The following LRRC15 variants were observed in gnomAD, a reference collection of about 807,000 sequenced individuals.
LRRC15 encodes the protein leucine rich repeat containing 15.
Under a neutral mutation model 4.3 loss-of-function variants are expected in LRRC15, and 5 were observed. That is an observed-to-expected ratio of 1.16 (90% confidence interval 0.61 to 2.44). The LOEUF (loss-of-function observed/expected upper bound fraction) is 2.44, where lower values mean the gene tolerates loss of function less well. LRRC15 is among the 30% of genes most tolerant of loss of function. The pLI is 0.01. For missense variants in LRRC15, 769 were observed against 747.0 expected, an observed-to-expected ratio of 1.03 and a Z score of -0.34; for synonymous variants, 337 against 323.2, an observed-to-expected ratio of 1.04 and a Z score of -0.46.
chr3:194,360,865 A>G lies in LRRC15; in HGVS notation c.179T>C (p.Ile60Thr). Residue 60 changes from isoleucine (I) to threonine (T), a missense_variant, in exon 2 of 2, where the codon ATC (isoleucine) becomes ACC (threonine). By Grantham distance (89) the Ile-to-Thr change is moderately conservative. Coordinates refer to ENST00000347624, the MANE Select transcript of LRRC15 (RefSeq NM_130830.5). ...PLPWNAMSLQ[I>T]LNTHITELNE... ...GAGTTCAGTGATGTGCGTGTTGAGG[A>G]TCTGCAGGCTCATGGCGTTCCAGGG... The G allele has an allele frequency of 6.2e-7, 1 of 1,610,064 alleles. No individual in the cohort carries two copies. The highest frequency in any genetic ancestry group is 8.5e-7 in the Non-Finnish European group (1 of 1,177,196).
chr3:194,362,138 ATGTG>A (rs912037784), intron 1 of LRRC15, among the ~76,000 whole-genome samples: 2,452 of 123,064 alleles, frequency 0.02, 23 homozygotes, highest in Non-Finnish European at 0.03. Context: ...GTGTGTGTGT[ATGTG>A]TGTGTGTGTG....
intron 1 of LRRC15, among the ~76,000 whole-genome samples, chr3:194,365,059 T>C (rs1343387964): frequency 6.6e-6 from 1 of 152,226 alleles, no homozygotes; most frequent in African/African-American, 2.4e-5. Context: ...CTCTGACAGA[T>C]GGCAGTTAAA....
Position 194,359,459 on chromosome 3 carries a change from C to G in LRRC15, c.1585G>C (p.Val529Leu). ...TTIQVTDDRS[V>L]WGMTQAQSGL... The stretch of plus-strand genomic sequence containing the variant: ...CTCTGGGCCTGGGTCATGCCCCAAA[C>G]GCTGCGGTCATCAGTGACCTGAATG... The change falls in exon 2 of 2, where the codon GTT becomes CTT. Residue 529 changes from valine to leucine, a missense_variant. By Grantham distance (32) the Val-to-Leu change is conservative (BLOSUM62 1). Coordinates refer to ENST00000347624, the MANE Select transcript of LRRC15 (RefSeq NM_130830.5). The G allele has an allele frequency of 6.2e-7, 1 of 1,614,232 alleles. No individual in the cohort carries two copies. Among genetic ancestry groups the G allele is most frequent in the Non-Finnish European group, 8.5e-7 (1 of 1,180,036 alleles).
chr3:194,358,394 T>C lies in LRRC15; in HGVS notation c.*904A>G, dbSNP rs1461831291. 6.6e-6 allele frequency: 1 copy of C among 152,178 alleles called. No homozygotes were observed. Among genetic ancestry groups the C allele is most frequent in the Non-Finnish European group, 1.5e-5 (1 of 68,044 alleles). 9.4% of individuals were successfully genotyped at this position (152,178 alleles called of 1,614,324 possible). ...TTCAATTAAAAATTTTAAAACAAAC[T>C]CTAGGGGTGAACACAGGGACCCCCA... On this transcript the variant is annotated 3_prime_UTR_variant, in exon 2 of 2. Transcript: ENST00000347624.
Position 194,360,983 on chromosome 3 carries a change from C to A in LRRC15, c.61G>T (p.Ala21Ser), listed in dbSNP as rs750463309. ...VGCQAWGAGL[A>S]YHGCPSECTC... ...CACTCGCTAGGGCAGCCATGGTAGG[C>A]CAACCCTGCACCCCAGGCTTGGCAG... Residue 21 changes from alanine (A) to serine (S), a missense_variant, in exon 2 of 2, where the codon GCC (alanine) becomes TCC (serine). Physicochemically the swap from Ala to Ser is moderately conservative, Grantham distance 99 (BLOSUM62 1). Transcript: ENST00000347624. 7.7e-6 allele frequency: 12 copies of A among 1,553,416 alleles called. No homozygotes were observed. In the South Asian group the frequency reaches 1.5e-4, roughly 19 times the overall value.
At chr3:194,361,770 T>C (rs564127946) in intron 1 of LRRC15, among the ~76,000 whole-genome samples, 1 of 152,206 alleles carries the variant, frequency 6.6e-6, no homozygotes, top group African/African-American at 2.4e-5. Flanking sequence ...GGGCCTGCCC[T>C]GCCCAGCCCA....
rs189462312 is a variant in LRRC15, at chr3:194,356,951, T to A, written c.*2347A>T. ...CCACCATCAGCGGGTGATGCTCATG[T>A]GCCATGCTCTGGGCTCACTTCCTGT... On this transcript the variant is annotated 3_prime_UTR_variant, in exon 2 of 2. Transcript: ENST00000347624. 90 of 152,462 alleles carry A rather than the reference T, an allele frequency of 5.9e-4. No homozygotes were observed. The highest frequency in any genetic ancestry group is 2.0e-3 in the African/African-American group (85 of 41,598). 9.4% of individuals were successfully genotyped at this position (152,462 alleles called of 1,614,324 possible).
In LRRC15 at chr3:194,357,620, T is replaced by A. The variant is rs2108655976; in HGVS notation, c.*1678A>T. The A allele has an allele frequency of 6.6e-6, 1 of 152,334 alleles. No individual in the cohort carries two copies. Among genetic ancestry groups the A allele is most frequent in the South Asian group, 2.1e-4 (1 of 4,826 alleles). 9.4% of individuals were successfully genotyped at this position (152,334 alleles called of 1,614,324 possible). Reference sequence around the variant, plus strand: ...TGTGACTCGAGGAGGAGAATAACCCTGGAGCAAACAACTCAACTCCTAACC... The same window carrying A: ...TGTGACTCGAGGAGGAGAATAACCCAGGAGCAAACAACTCAACTCCTAACC... On this transcript the variant is annotated 3_prime_UTR_variant, in exon 2 of 2. Transcript: ENST00000347624.
At position 194,361,265 on chromosome 3, in the gene LRRC15, T is replaced by C. The variant is rs1250777715; in HGVS notation, c.-3-219A>G. Reference sequence around the variant, plus strand: ...CCCAGGCAATTCTCCCTACCTGGAATGTCCCTTGTCCTTATACAAAATTTT... The same window carrying C: ...CCCAGGCAATTCTCCCTACCTGGAACGTCCCTTGTCCTTATACAAAATTTT... On this transcript the variant is annotated intron_variant, in intron 1 of 1. Coordinates refer to ENST00000347624, the MANE Select transcript of LRRC15 (RefSeq NM_130830.5). Among the ~76,000 whole-genome samples the C allele has an allele frequency of 3.3e-5, 5 of 152,276 alleles. No individual in the cohort carries two copies. The South Asian group carries it at 8.3e-4, about 25-fold the overall frequency.
chr3:194,367,997 G>A (rs907863235), intron 1 of LRRC15, among the ~76,000 whole-genome samples: 1 of 152,188 alleles, frequency 6.6e-6, no homozygotes, highest in Non-Finnish European at 1.5e-5. Flanking sequence ...AGCAGAACAG[G>A]AGAACTGCCC....
intron 1 of LRRC15, among the ~76,000 whole-genome samples, chr3:194,361,332 A>G (rs1560046242): frequency 6.6e-6 from 1 of 152,166 alleles, no homozygotes; most frequent in Non-Finnish European, 1.5e-5. Context: ...AACCTTTAGG[A>G]CACTTCCCAG....
At position 194,364,983 on chromosome 3, in the gene LRRC15, C is replaced by T. The variant is rs1577001331; in HGVS notation, c.-3-3937G>A. Among the ~76,000 whole-genome samples the T allele has an allele frequency of 5.3e-5, 8 of 152,334 alleles. No homozygotes were observed. In the East Asian group the frequency reaches 1.5e-3, roughly 29 times the overall value. On this transcript the variant is annotated intron_variant, in intron 1 of 1. Coordinates refer to ENST00000347624, the MANE Select transcript of LRRC15 (RefSeq NM_130830.5). Reference sequence around the variant, plus strand: ...CATGTGATGCCAGCTCCTGCAGTGGCCACAGCCTCTAGGAGCCCAGCACCT... The same window carrying T: ...CATGTGATGCCAGCTCCTGCAGTGGTCACAGCCTCTAGGAGCCCAGCACCT...
chr3:194,360,499 T>C lies in LRRC15; in HGVS notation c.545A>G (p.Lys182Arg), dbSNP rs758056641. 6.2e-7 allele frequency: 1 copy of C among 1,614,160 alleles called. No individual in the cohort carries two copies. The highest frequency in any genetic ancestry group is 1.1e-5 in the South Asian group (1 of 91,078). Residue 182 changes from lysine (K) to arginine (R), a missense_variant, in exon 2 of 2, where the codon AAG becomes AGG. Physicochemically the swap from Lys to Arg is conservative, Grantham distance 26. Transcript: ENST00000347624. ...LVGLTKLNLG[K>R]NSLTHISPRV... is the part of the protein sequence containing the mutation. ...GGGTGAGATGTGGGTGAGGCTATTC[T>C]TGCCCAGATTGAGCTTCGTGAGTCC...
chr3:194,358,046 G>C lies in LRRC15; in HGVS notation c.*1252C>G, dbSNP rs1713483384. 1 of 152,332 alleles carries C rather than the reference G, an allele frequency of 6.6e-6. No homozygotes were observed. The highest frequency in any genetic ancestry group is 2.4e-5 in the African/African-American group (1 of 41,436). The allele number at this position is 152,332 out of a possible 1,614,324, so 9.4% of individuals were successfully genotyped here. On this transcript the variant is annotated 3_prime_UTR_variant, in exon 2 of 2. Coordinates refer to ENST00000347624, the MANE Select transcript of LRRC15 (RefSeq NM_130830.5). Reference sequence around the variant, plus strand: ...GTGCCCCAGGTCTCAGGGTCTCTCAGGGTCTCCAGATATAATAAAATCTCC... The same window carrying C: ...GTGCCCCAGGTCTCAGGGTCTCTCACGGTCTCCAGATATAATAAAATCTCC...
Position 194,358,418 on chromosome 3 carries a change from C to CA in LRRC15, c.*879dup, listed in dbSNP as rs1194092632. ...CTCTAGGGGTGAACACAGGGACCCC[C>CA]AGGCACCAGATTTCTTTCTCTATCC... On this transcript the variant is annotated 3_prime_UTR_variant, in exon 2 of 2. Coordinates refer to ENST00000347624, the MANE Select transcript of LRRC15 (RefSeq NM_130830.5). The CA allele has an allele frequency of 6.6e-6, 1 of 152,234 alleles. No homozygotes were observed. The highest frequency in any genetic ancestry group is 1.5e-5 in the Non-Finnish European group (1 of 68,048). The allele number at this position is 152,234 out of a possible 1,614,324, so 9.4% of individuals were successfully genotyped here.
In LRRC15 at chr3:194,360,074, G is replaced by A. The variant is rs375199333; in HGVS notation, c.970C>T (p.Leu324Phe). Residue 324 changes from leucine (L) to phenylalanine (F), a missense_variant, in exon 2 of 2, where the codon CTT becomes TTT. Transcript: ENST00000347624. ...SNLRQLQVLILSRNQISFISP... is the reference protein window; with the variant it reads ...SNLRQLQVLIFSRNQISFISP... The stretch of plus-strand genomic sequence containing the variant: ...ATGAAGCTGATCTGATTGCGGCTAA[G>A]AATCAGGACCTGCAACTGGCGGAGG... The A allele has an allele frequency of 3.1e-6, 5 of 1,614,238 alleles. No individual in the cohort carries two copies. The highest frequency in any genetic ancestry group is 4.2e-6 in the Non-Finnish European group (5 of 1,180,048).
rs991579606 is a variant in LRRC15 at position 194,359,451 on chromosome 3, G to T, written c.1593C>A (p.Gly531=). Residue 531 remains glycine, a synonymous_variant, in exon 2 of 2, where the codon GGC becomes GGA. Transcript: ENST00000347624. ...CCAGCCCGCTCTGGGCCTGGGTCATGCCCCAAACGCTGCGGTCATCAGTGA... is the reference window on the plus strand; with the variant it reads ...CCAGCCCGCTCTGGGCCTGGGTCATTCCCCAAACGCTGCGGTCATCAGTGA... ...IQVTDDRSVW[G]MTQAQSGLAI... 22 of 1,614,246 alleles carry T rather than the reference G, an allele frequency of 1.4e-5. No homozygotes were observed. The highest frequency in any genetic ancestry group is 1.9e-5 in the Non-Finnish European group (22 of 1,180,036).
Position 194,361,059 on chromosome 3 carries a change from A to T in LRRC15, c.-3-13T>A. 6.7e-7 allele frequency: 1 copy of T among 1,494,894 alleles called. No homozygotes were observed. The highest frequency in any genetic ancestry group is 1.3e-5 in the South Asian group (1 of 74,158). The allele number at this position is 1,494,894 out of a possible 1,614,324, so 92.6% of individuals were successfully genotyped here. A position where few individuals can be genotyped will look rare whatever the true frequency, so the allele number is the denominator to read the frequency against. On this transcript the variant is annotated splice_polypyrimidine_tract_variant and intron_variant, in intron 1 of 1. Coordinates refer to ENST00000347624, the MANE Select transcript of LRRC15 (RefSeq NM_130830.5). ...TCAGTGGCATAGCCTGTGCAAGGGGAGAGAGCACACGTTAGTCAGGGTCCT... is the reference window on the plus strand; with the variant it reads ...TCAGTGGCATAGCCTGTGCAAGGGGTGAGAGCACACGTTAGTCAGGGTCCT...
rs780237233 is a variant in LRRC15, at chr3:194,360,194, G to C, written c.850C>G (p.Leu284Val). The C allele has an allele frequency of 6.2e-7, 1 of 1,613,878 alleles. No individual in the cohort carries two copies. The highest frequency in any genetic ancestry group is 8.5e-7 in the Non-Finnish European group (1 of 1,179,758). Residue 284 changes from leucine (L) to valine (V), a missense_variant, in exon 2 of 2, where the codon CTC (leucine) becomes GTC (valine). By Grantham distance (32) the Leu-to-Val change is conservative. Transcript: ENST00000347624. ...ATGGGCCCGAAGATCCCCGGAGAGAGCTCCTTCAGGGAATTCCCAAAGAGA... is the reference window on the plus strand; with the variant it reads ...ATGGGCCCGAAGATCCCCGGAGAGACCTCCTTCAGGGAATTCCCAAAGAGA... ...LTLFGNSLKE[L>V]SPGIFGPMPN...
Sources: allele counts gnomAD v4.1 joint callset (sites outside exome capture counted in the v4.1 genomes callset), GRCh38; gene constraint gnomAD v4.1.1; transcripts MANE v1.5; gene names NCBI Gene and HGNC (gene_info 2026-07-23, HGNC 2026-07-21).